NSD2: variants seen among roughly 807,000 people sequenced by gnomAD.
NSD2 encodes nuclear receptor binding SET domain protein 2.
Under a neutral mutation model 139.0 loss-of-function variants are expected in NSD2, and 12 were observed. The ratio of observed to expected loss-of-function variants is 0.09; its 90% CI spans 0.06 to 0.14. The LOEUF is 0.14. NSD2 is among the 10% of genes least tolerant of loss of function. The probability of loss-of-function intolerance (pLI) is 1.00; values close to 1 mark genes in which losing one functional copy is unlikely to be tolerated. For synonymous variants in NSD2, 669 were observed against 648.7 expected, an observed-to-expected ratio of 1.03 and a Z score of -0.48; for missense variants, 1,155 against 1,745.0, an observed-to-expected ratio of 0.66 and a Z score of 6.02.
chr4:1,896,493 C>T (rs1367579936), intron 1 of NSD2, among the ~76,000 whole-genome samples: 9 of 152,232 alleles, frequency 5.9e-5, no homozygotes, highest in African/African-American at 1.9e-4. Flanking sequence ...CTCAGCCTCC[C>T]GGGTAGCTGG....
rs1277433410 is a variant in NSD2, at chr4:1,972,324, TGA to T, written c.3373-2537_3373-2536del. Among the ~76,000 whole-genome samples the T allele has an allele frequency of 1.3e-5, 2 of 152,130 alleles. No individual in the cohort carries two copies. The highest frequency in any genetic ancestry group is 2.9e-5 in the Non-Finnish European group (2 of 68,030). ...GTCTCAGCTGGGAAAGGAGAGGCTG[TGA>T]GGGTGGAAATCTTCCCCAGTGCAAG... On this transcript the variant is annotated intron_variant, in intron 18 of 21. Transcript: ENST00000508803. The surrounding 1 kb of genome is among the most constrained non-coding windows in gnomAD (Gnocchi z 4.0).
At chr4:1,909,270 C>G (rs556122349) in intron 3 of NSD2, among the ~76,000 whole-genome samples, 8 of 152,150 alleles carry the variant, frequency 5.3e-5, no homozygotes, top group South Asian at 4.2e-4. Flanking sequence ...CCACCCCCCC[C>G]AACCCTAGCA....
intron 5 of NSD2, among the ~76,000 whole-genome samples, chr4:1,923,039 G>A (rs768946707): frequency 5.9e-5 from 9 of 152,212 alleles, no homozygotes; most frequent in Admixed American, 2.0e-4. Context: ...GGCCAGTTGC[G>A]TGGGAGGTCT....
rs140468997 is a variant in NSD2 at position 1,935,180 on chromosome 4, G to C, written c.1592G>C (p.Arg531Thr). ...VNGKKRNHTK[R>T]IQDPTEDAEA... is the part of the protein sequence containing the mutation. ...GGGAAAAAAAGAAACCACACAAAGAGGATACAGGACCCTACAGAAGATGCT... is the reference window on the plus strand; with the variant it reads ...GGGAAAAAAAGAAACCACACAAAGACGATACAGGACCCTACAGAAGATGCT... The change falls in exon 7 of 22, where the codon AGG (arginine) becomes ACG (threonine). Residue 531 changes from arginine (R) to threonine (T), a missense_variant. Transcript: ENST00000508803. The C allele has an allele frequency of 3.4e-5, 55 of 1,612,874 alleles. No homozygotes were observed. Among genetic ancestry groups the C allele is most frequent in the Admixed American group, 2.2e-4 (13 of 59,886 alleles).
At chr4:1,925,619 G>C (rs1165016275) in intron 5 of NSD2, among the ~76,000 whole-genome samples, 2 of 151,256 alleles carry the variant, frequency 1.3e-5, no homozygotes, top group Non-Finnish European at 2.9e-5. Flanking sequence ...GGCTGGTCTT[G>C]AACTCCTGAC....
intron 1 of NSD2, among the ~76,000 whole-genome samples, chr4:1,898,951 C>T (rs1577386874): frequency 6.6e-6 from 1 of 152,170 alleles, no homozygotes; most frequent in South Asian, 2.1e-4. Context: ...CATTTTCTCT[C>T]TGCTTTTGGT....
chr4:1,981,882 C>T lies in NSD2; in HGVS notation c.*2973C>T, dbSNP rs1727801641. On this transcript the variant is annotated 3_prime_UTR_variant, in exon 22 of 22. Coordinates refer to ENST00000508803, the MANE Select transcript of NSD2 (RefSeq NM_001042424.3). ...TCAGTAGAGTAAAATGCTGTGTCCACGGGGTGTCACAGCCTCACCATACCC... is the reference window on the plus strand; with the variant it reads ...TCAGTAGAGTAAAATGCTGTGTCCATGGGGTGTCACAGCCTCACCATACCC... 7.5e-6 allele frequency: 3 copies of T among 398,486 alleles called. No individual in the cohort carries two copies. The highest frequency in any genetic ancestry group is 6.2e-4 in the Middle Eastern group (1 of 1,608). The allele number at this position is 398,486 out of a possible 1,614,324, so 24.7% of individuals were successfully genotyped here.
intron 1 of NSD2, among the ~76,000 whole-genome samples, chr4:1,898,658 T>TA (rs967880779): frequency 0.02 from 2,432 of 118,984 alleles, 46 homozygotes; most frequent in African/African-American, 0.058. Context: ...AGACTCCGTC[T>TA]AAAAAAAAAA....
intron 5 of NSD2, among the ~76,000 whole-genome samples, chr4:1,920,627 T>C (rs1465790258): frequency 6.6e-6 from 1 of 152,116 alleles, no homozygotes; most frequent in Admixed American, 6.6e-5. Flanking sequence ...TTTTTCTCCT[T>C]GGGAGGTTGA....
intron 6 of NSD2, among the ~76,000 whole-genome samples, chr4:1,932,806 C>T (rs561871095): frequency 1.3e-5 from 2 of 152,266 alleles, no homozygotes; most frequent in South Asian, 2.1e-4. Flanking sequence ...CTGTAAGAAG[C>T]GGCTGCTGCC....
intron 3 of NSD2, among the ~76,000 whole-genome samples, chr4:1,914,091 C>T (rs985159788): frequency 6.6e-6 from 1 of 152,084 alleles, no homozygotes; most frequent in African/African-American, 2.4e-5. Context: ...GGCGGGATCT[C>T]AGCTTGCTGC....
intron 11 of NSD2, chr4:1,952,893 A>G (rs1724427304): frequency 1.5e-6 from 2 of 1,377,144 alleles, no homozygotes; most frequent in Admixed American, 3.1e-5. Context: ...ACACCTGGAG[A>G]GTCTCCCAGG....
chr4:1,920,593 G>T (rs1719988690), intron 5 of NSD2, among the ~76,000 whole-genome samples: 4 of 152,084 alleles, frequency 2.6e-5, no homozygotes, highest in Admixed American at 2.0e-4. Context: ...TGTGATATTT[G>T]GTACGTGCAT....
At chr4:1,969,289 T>A (rs1389385356) in intron 18 of NSD2, among the ~76,000 whole-genome samples, 1 of 152,124 alleles carries the variant, frequency 6.6e-6, no homozygotes, top group East Asian at 1.9e-4. Flanking sequence ...CCACAGAGAC[T>A]TGGGTTCTGT....
At chr4:1,946,081 A>T in intron 9 of NSD2, 1 of 1,031,056 alleles carries the variant, frequency 9.7e-7, no homozygotes. Flanking sequence ...TTTAAAAAAA[A>T]TCTATAAATA....
chr4:1,979,005 C>T lies in NSD2; in HGVS notation c.*96C>T. 7.1e-7 allele frequency: 1 copy of T among 1,407,032 alleles called. No homozygotes were observed. The allele number at this position is 1,407,032 out of a possible 1,614,324, so 87.2% of individuals were successfully genotyped here. The stretch of plus-strand genomic sequence containing the variant: ...GCATGAACTGGCCCGGAGGACCCAG[C>T]TCGAGCCGCCAGGACACAGACGTAC... On this transcript the variant is annotated 3_prime_UTR_variant, in exon 22 of 22. Transcript: ENST00000508803.
chr4:1,919,648 T>G (rs1302125379), intron 5 of NSD2, among the ~76,000 whole-genome samples: 3 of 151,954 alleles, frequency 2.0e-5, no homozygotes, highest in African/African-American at 4.8e-5. Flanking sequence ...AAAACAATAG[T>G]GTTGGCCAGG....
chr4:1,910,762 A>C (rs1437418143), intron 3 of NSD2, among the ~76,000 whole-genome samples: 2 of 152,074 alleles, frequency 1.3e-5, no homozygotes, highest in Non-Finnish European at 2.9e-5. Context: ...ATGTGTTAAA[A>C]TCTCCCATGG....
rs535894817 is a variant in NSD2, at chr4:1,948,088, G to A, written c.1882-2984G>A. 2,131 of 1,058,474 alleles carry A rather than the reference G, an allele frequency of 2.0e-3. 22 individuals are homozygous for A. The highest frequency in any genetic ancestry group is 3.4e-3 in the South Asian group (75 of 21,910). 65.6% of individuals were successfully genotyped at this position (1,058,474 alleles called of 1,614,324 possible). A position where few individuals can be genotyped will look rare whatever the true frequency, so the allele number is the denominator to read the frequency against. ...TGCCCTGAAGGAATGTATTTCTAAGGCAAATAGGCAACTTGGTACTATCTT... is the reference window on the plus strand; with the variant it reads ...TGCCCTGAAGGAATGTATTTCTAAGACAAATAGGCAACTTGGTACTATCTT... On this transcript the variant is annotated intron_variant, in intron 9 of 21. Coordinates refer to ENST00000508803, the MANE Select transcript of NSD2 (RefSeq NM_001042424.3). The surrounding 1 kb of genome is among the most constrained non-coding windows in gnomAD (Gnocchi z 4.5).
Sources: allele counts gnomAD v4.1 joint callset (sites outside exome capture counted in the v4.1 genomes callset), GRCh38; gene constraint gnomAD v4.1.1; non-coding constraint Gnocchi (gnomAD v3.1); transcripts MANE v1.5; gene names NCBI Gene and HGNC (gene_info 2026-07-23, HGNC 2026-07-21).